NAA35: variants seen among roughly 807,000 people sequenced by gnomAD.
NAA35 encodes N-alpha-acetyltransferase 35, NatC auxiliary subunit, also known as MAK10 homolog, amino-acid N-acetyltransferase subunit.
In NAA35, 18 loss-of-function variants were observed where a neutral mutation model predicts 101.7. The ratio of observed to expected loss-of-function variants is 0.18; its 90% CI spans 0.12 to 0.26. The LOEUF is 0.26. Among genes scored for constraint, NAA35 ranks in the 10% least tolerant of loss-of-function variants. The probability of loss-of-function intolerance (pLI) is 1.00; values close to 1 mark genes in which losing one functional copy is unlikely to be tolerated. For missense variants in NAA35, 601 were observed against 886.8 expected, an observed-to-expected ratio of 0.68 and a Z score of 4.09; for synonymous variants, 267 against 273.1, an observed-to-expected ratio of 0.98 and a Z score of 0.22.
At chr9:85,984,009 A>T (rs1830543534) in intron 11 of NAA35, among the ~76,000 whole-genome samples, 1 of 149,766 alleles carries the variant, frequency 6.7e-6, no homozygotes, top group African/African-American at 2.5e-5. Flanking sequence ...AGAAGTATAG[A>T]TCAGAAAATA....
intron 6 of NAA35, among the ~76,000 whole-genome samples, chr9:85,971,876 T>A (rs1830013825): frequency 6.6e-6 from 1 of 151,594 alleles, no homozygotes; most frequent in Non-Finnish European, 1.5e-5. Context: ...CTCTCCCCAC[T>A]GTTGCAATCC....
intron 21 of NAA35, among the ~76,000 whole-genome samples, chr9:86,020,216 A>T (rs1348122828): frequency 6.6e-6 from 1 of 152,138 alleles, no homozygotes; most frequent in Non-Finnish European, 1.5e-5. Context: ...TAGGAGAGAC[A>T]CTTTTTAAAA....
At chr9:86,017,248 C>T (rs1313619080) in intron 18 of NAA35, among the ~76,000 whole-genome samples, 1 of 152,148 alleles carries the variant, frequency 6.6e-6, no homozygotes, top group Non-Finnish European at 1.5e-5. Context: ...GAGGTTAAAT[C>T]TCTGGTGAAT....
At chr9:85,951,005 G>A (rs1335049978) in intron 2 of NAA35, among the ~76,000 whole-genome samples, 1 of 152,006 alleles carries the variant, frequency 6.6e-6, no homozygotes, top group Admixed American at 6.6e-5. Flanking sequence ...GGGCGTGGCA[G>A]TGTGCACCTG....
intron 6 of NAA35, among the ~76,000 whole-genome samples, chr9:85,973,208 A>G (rs1830068134): frequency 6.6e-6 from 1 of 152,206 alleles, no homozygotes; most frequent in South Asian, 2.1e-4. Flanking sequence ...AAGTGGTAGG[A>G]AATAAAGTTG....
chr9:85,967,420 T>G (rs1829798239), intron 6 of NAA35, among the ~76,000 whole-genome samples: 1 of 152,224 alleles, frequency 6.6e-6, no homozygotes, highest in South Asian at 2.1e-4. Flanking sequence ...TTCGTTTTGC[T>G]AAATTTTTCA....
chr9:86,014,117 A>T (rs191897474), intron 17 of NAA35, among the ~76,000 whole-genome samples: 5 of 152,248 alleles, frequency 3.3e-5, no homozygotes, highest in African/African-American at 1.2e-4. Flanking sequence ...AAAATTAACA[A>T]AAAATGACTC....
chr9:86,016,766 T>A, intron 18 of NAA35, 91 bp downstream of exon 18: 1 of 1,328,282 alleles, frequency 7.5e-7, no homozygotes, highest in Non-Finnish European at 1.0e-6. Flanking sequence ...TTGGTCATTA[T>A]ATTTTAGTTC....
In NAA35 at chr9:86,022,185, C is replaced by T; in HGVS notation, c.*225C>T. 2.5e-6 allele frequency: 1 copy of T among 402,098 alleles called. No homozygotes were observed. The highest frequency in any genetic ancestry group is 4.4e-6 in the Non-Finnish European group (1 of 228,190). 24.9% of individuals were successfully genotyped at this position (402,098 alleles called of 1,614,324 possible). A position where few individuals can be genotyped will look rare whatever the true frequency, so the allele number is the denominator to read the frequency against. ...TGGAAGAAACTGGTCTTATTGAATG[C>T]ATTGATGAACGTTATATGGTTTTAT... On this transcript the variant is annotated 3_prime_UTR_variant, in exon 23 of 23. Coordinates refer to ENST00000361671, the MANE Select transcript of NAA35 (RefSeq NM_024635.4).
At chr9:86,002,167 T>C (rs891762044) in intron 12 of NAA35, among the ~76,000 whole-genome samples, 2 of 152,206 alleles carry the variant, frequency 1.3e-5, no homozygotes, top group Non-Finnish European at 2.9e-5. Context: ...TGAAGATTTT[T>C]AAAAGAATGT....
At chr9:85,947,760 T>C (rs1828833639) in intron 2 of NAA35, among the ~76,000 whole-genome samples, 1 of 152,212 alleles carries the variant, frequency 6.6e-6, no homozygotes. Flanking sequence ...ATAATGCTGC[T>C]TAGTTCACTG....
intron 14 of NAA35, among the ~76,000 whole-genome samples, chr9:86,008,709 T>C (rs930067031): frequency 1.1e-4 from 17 of 152,258 alleles, no homozygotes; most frequent in Admixed American, 1.0e-3. Flanking sequence ...CTTTATTGTG[T>C]GGTAGTCTAG....
intron 11 of NAA35, among the ~76,000 whole-genome samples, chr9:85,992,755 A>G (rs888936185): frequency 1.3e-5 from 2 of 152,196 alleles, no homozygotes; most frequent in African/African-American, 2.4e-5. Context: ...TGCAGTTGAC[A>G]TGGTTATGAA....
At chr9:86,009,729 T>G (rs1831814693) in intron 14 of NAA35, 136 bp from the exon 15 acceptor site, 1 of 636,348 alleles carries the variant, frequency 1.6e-6, no homozygotes, top group Admixed American at 2.7e-5. Flanking sequence ...AATCTAATAC[T>G]GAAATTCTTT....
chr9:86,022,034 GCTCCA>G lies in NAA35; in HGVS notation c.*76_*80del. On this transcript the variant is annotated 3_prime_UTR_variant, in exon 23 of 23. Coordinates refer to ENST00000361671, the MANE Select transcript of NAA35 (RefSeq NM_024635.4). ...CAACTCTTAGAGGGCACATCACCAGGCTCCACATCACGGGAAGTGAGATGGATTTC... is the reference window on the plus strand; with the variant it reads ...CAACTCTTAGAGGGCACATCACCAGGCATCACGGGAAGTGAGATGGATTTC... The G allele has an allele frequency of 8.9e-7, 1 of 1,120,764 alleles. No homozygotes were observed. The allele number at this position is 1,120,764 out of a possible 1,614,324, so 69.4% of individuals were successfully genotyped here.
At chr9:85,950,117 T>C (rs1587554390) in intron 2 of NAA35, among the ~76,000 whole-genome samples, 2 of 152,212 alleles carry the variant, frequency 1.3e-5, no homozygotes, top group South Asian at 2.1e-4. Flanking sequence ...TACTCAGTTC[T>C]ATAGGGCTAT....
rs183574217 is a variant in NAA35 at position 86,009,751 on chromosome 9, C to T, written c.1224-114C>T. On this transcript the variant is annotated intron_variant, in intron 14 of 22. Transcript: ENST00000361671. ...TACTGAAATTCTTTAACTTAGGTAT[C>T]GGTTCCATTTTCTCTTTTATTCACC... The T allele has an allele frequency of 3.8e-5, 26 of 686,852 alleles. 1 individual carries two copies. The highest frequency in any genetic ancestry group is 7.4e-5 in the Admixed American group (3 of 40,764). 42.5% of individuals were successfully genotyped at this position (686,852 alleles called of 1,614,324 possible).
In NAA35 at chr9:85,970,853, C is replaced by T. The variant is rs182008856; in HGVS notation, c.517-4114C>T. Among the ~76,000 whole-genome samples, 31 of 152,234 alleles carry T rather than the reference C, an allele frequency of 2.0e-4. No individual in the cohort carries two copies. The Middle Eastern group carries it at 0.01, about 50-fold the overall frequency. On this transcript the variant is annotated intron_variant, in intron 6 of 22. Coordinates refer to ENST00000361671, the MANE Select transcript of NAA35 (RefSeq NM_024635.4). ...GGAAGATTTTGTTTTTAGGAAATCA[C>T]GCTGAAGTGTTTAGAAGTAAAGGGG...
chr9:85,962,614 G>A (rs965902067), intron 6 of NAA35, among the ~76,000 whole-genome samples: 1 of 151,808 alleles, frequency 6.6e-6, no homozygotes, highest in African/African-American at 2.4e-5. Context: ...TTTAAAAACA[G>A]TTTTTAAAAG....
Sources: allele counts gnomAD v4.1 joint callset (sites outside exome capture counted in the v4.1 genomes callset), GRCh38; gene constraint gnomAD v4.1.1; transcripts MANE v1.5; gene names NCBI Gene and HGNC (gene_info 2026-07-23, HGNC 2026-07-21).